ZCCHC2: variants seen among roughly 807,000 people sequenced by gnomAD.
ZCCHC2 encodes the protein zinc finger CCHC-type containing 2, also known as zinc finger CCHC domain-containing protein 2.
In ZCCHC2, 39 loss-of-function variants were observed where a neutral mutation model predicts 103.6. The observed-to-expected ratio is 0.38, with a 90% CI of 0.29 to 0.49. The LOEUF is 0.49. ZCCHC2 is among the 20% of genes least tolerant of loss of function. The pLI is 0.96. For missense variants in ZCCHC2, 1,483 were observed against 1,491.0 expected (o/e 0.99, Z 0.09); for synonymous variants, 687 against 608.9 (o/e 1.13, Z -1.89).
chr18:62,561,657 T>A (rs1450632000), intron 8 of ZCCHC2, among the ~76,000 whole-genome samples: 1 of 152,210 alleles, frequency 6.6e-6, no homozygotes, highest in Admixed American at 6.5e-5. Context: ...TTGGGATCAC[T>A]TCCCAAATAA....
chr18:62,551,057 G>A (rs1180047004), intron 5 of ZCCHC2: 1 of 152,312 alleles, frequency 6.6e-6, no homozygotes, highest in East Asian at 1.9e-4. Context: ...CAAGGACCCT[G>A]TGGAGGCGGG....
In ZCCHC2 at chr18:62,576,604, T is replaced by C; in HGVS notation, c.*25T>C. Reference sequence around the variant, plus strand: ...AAACGAGTAAAGCTTGCCTACTTAATACACTCAAGTGTGGGGAGTCATGGG... The same window carrying C: ...AAACGAGTAAAGCTTGCCTACTTAACACACTCAAGTGTGGGGAGTCATGGG... On this transcript the variant is annotated 3_prime_UTR_variant, in exon 14 of 14. Transcript: ENST00000269499. 6.2e-7 allele frequency: 1 copy of C among 1,604,570 alleles called. No individual in the cohort carries two copies. The highest frequency in any genetic ancestry group is 8.5e-7 in the Non-Finnish European group (1 of 1,171,904).
At chr18:62,578,601 G>A (rs1244186490), downstream of ZCCHC2, 1 of 152,578 alleles carries the variant, frequency 6.6e-6, no homozygotes, top group East Asian at 1.9e-4. Flanking sequence ...GTGCCTCATT[G>A]TAAATTTTGT....
At chr18:62,526,051 T>A (rs547166657) in intron 1 of ZCCHC2, 1 of 152,388 alleles carries the variant, frequency 6.6e-6, no homozygotes, top group East Asian at 1.9e-4. Flanking sequence ...ACTTGATTTC[T>A]GATTTTAACT....
At chr18:62,527,345 TGACTGGGCC>T (rs939698528) in intron 1 of ZCCHC2, among the ~76,000 whole-genome samples, 1 of 152,116 alleles carries the variant, frequency 6.6e-6, no homozygotes, top group Non-Finnish European at 1.5e-5. Flanking sequence ...GCTTTGAAGT[TGACTGGGCC>T]CAGCAACTGT....
intron 9 of ZCCHC2, 28 bp from the exon 10 acceptor site, chr18:62,564,543 T>C (rs758847586): frequency 8.2e-6 from 12 of 1,467,630 alleles, no homozygotes; most frequent in Non-Finnish European, 1.0e-5. Context: ...AGCTTTTGTC[T>C]GATTTGTCTT....
chr18:62,538,441 TAATAA>T (rs769591414), intron 1 of ZCCHC2, among the ~76,000 whole-genome samples: 7 of 152,192 alleles, frequency 4.6e-5, no homozygotes, highest in Non-Finnish European at 1.0e-4. Flanking sequence ...TTACATTTTT[TAATAA>T]AATATATGGT....
chr18:62,575,303 T>A lies in ZCCHC2; in HGVS notation c.3222T>A (p.Phe1074Leu). The change falls in exon 13 of 14, where the codon TTT (phenylalanine) becomes TTA (leucine). Residue 1074 changes from phenylalanine (F) to leucine (L), a missense_variant. By Grantham distance (22) the Phe-to-Leu change is conservative. Transcript: ENST00000269499. ...HQSNGNQLPF[F>L]LPQTPYANGL... ...GCAATGGAAACCAACTTCCTTTTTT[T>A]CTGCCTCAGACTCCATATGCAAATG... 1 of 1,614,004 alleles carries A rather than the reference T, an allele frequency of 6.2e-7. No homozygotes were observed. The highest frequency in any genetic ancestry group is 8.5e-7 in the Non-Finnish European group (1 of 1,179,876).
intron 1 of ZCCHC2, among the ~76,000 whole-genome samples, chr18:62,527,970 T>C (rs1914508978): frequency 6.6e-6 from 1 of 152,164 alleles, no homozygotes; most frequent in Non-Finnish European, 1.5e-5. Context: ...GGAAAATGGG[T>C]ATTCTCATTT....
exon 15 of ZCCHC2, chr18:62,585,002 T>C (rs1216382288): frequency 6.6e-6 from 1 of 152,360 alleles, no homozygotes; most frequent in Non-Finnish European, 1.5e-5. Flanking sequence ...CCGTGTGGCC[T>C]CTGGACTGAG....
chr18:62,550,488 G>A, intron 5 of ZCCHC2, 28 bp downstream of exon 5: 1 of 1,569,258 alleles, frequency 6.4e-7, no homozygotes, highest in Non-Finnish European at 8.7e-7. Flanking sequence ...GCCTATCATA[G>A]CAGCATACAC....
At chr18:62,524,526 C>A in intron 1 of ZCCHC2, 163 bp downstream of exon 1, 1 of 1,177,932 alleles carries the variant, frequency 8.5e-7, no homozygotes, top group South Asian at 1.8e-5. Flanking sequence ...CTTCGTCTCG[C>A]TGGGCCGCTC....
intron 1 of ZCCHC2, among the ~76,000 whole-genome samples, chr18:62,533,866 C>T (rs1216358394): frequency 1.8e-5 from 2 of 108,458 alleles, no homozygotes; most frequent in African/African-American, 4.2e-5. Flanking sequence ...GAGCAAAACT[C>T]TGCCTCAAAA....
chr18:62,570,118 T>C lies in ZCCHC2; in HGVS notation c.1862T>C (p.Ile621Thr). ...TTATTTTTAGATGTGAATTTGGACATTGGCTCTGGACATGACACATGTGGA... is the reference window on the plus strand; with the variant it reads ...TTATTTTTAGATGTGAATTTGGACACTGGCTCTGGACATGACACATGTGGA... ...GGTVKDVNLDIGSGHDTCGET... is the reference protein window; with the variant it reads ...GGTVKDVNLDTGSGHDTCGET... The change falls in exon 12 of 14, where the codon ATT becomes ACT. Residue 621 changes from isoleucine to threonine, a missense_variant. Transcript: ENST00000269499. 1.2e-6 allele frequency: 2 copies of C among 1,604,514 alleles called. No homozygotes were observed. Among genetic ancestry groups the C allele is most frequent in the Non-Finnish European group, 1.7e-6 (2 of 1,175,690 alleles).
chr18:62,576,600 T>G lies in ZCCHC2; in HGVS notation c.*21T>G, dbSNP rs369947304. The G allele has an allele frequency of 1.9e-6, 3 of 1,608,120 alleles. No individual in the cohort carries two copies. In the African/African-American group the frequency reaches 4.0e-5, roughly 22 times the overall value. On this transcript the variant is annotated 3_prime_UTR_variant, in exon 14 of 14. Coordinates refer to ENST00000269499, the MANE Select transcript of ZCCHC2 (RefSeq NM_017742.6). Reference sequence around the variant, plus strand: ...ACTGAAACGAGTAAAGCTTGCCTACTTAATACACTCAAGTGTGGGGAGTCA... The same window carrying G: ...ACTGAAACGAGTAAAGCTTGCCTACGTAATACACTCAAGTGTGGGGAGTCA...
intron 4 of ZCCHC2, among the ~76,000 whole-genome samples, chr18:62,547,026 T>A (rs1455637123): frequency 6.6e-6 from 1 of 152,076 alleles, no homozygotes; most frequent in Non-Finnish European, 1.5e-5. Flanking sequence ...TAACATCATC[T>A]ACAAAAGTTC....
intron 12 of ZCCHC2, among the ~76,000 whole-genome samples, chr18:62,572,375 G>A (rs1202642453): frequency 1.3e-5 from 2 of 152,208 alleles, no homozygotes; most frequent in Non-Finnish European, 2.9e-5. Flanking sequence ...GTACACTTGG[G>A]TAATGACAGC....
At chr18:62,543,167 C>T (rs1915272453) in intron 3 of ZCCHC2, among the ~76,000 whole-genome samples, 1 of 152,126 alleles carries the variant, frequency 6.6e-6, no homozygotes, top group African/African-American at 2.4e-5. Context: ...ATGGCACGCA[C>T]CCTGAAGCCA....
intron 4 of ZCCHC2, 126 bp from the exon 5 acceptor site, chr18:62,550,222 A>G: frequency 1.4e-6 from 1 of 714,106 alleles, no homozygotes; most frequent in Non-Finnish European, 2.3e-6. Flanking sequence ...AAGATTTGGA[A>G]AACAAACTGC....
Sources: gnomAD v4.1 joint callset for allele counts (sites outside exome capture counted in the v4.1 genomes callset) on GRCh38, gnomAD v4.1.1 for gene constraint, MANE v1.5 for transcripts, NCBI Gene and HGNC (gene_info 2026-07-23, HGNC 2026-07-21) for gene names.